Variants in RPS6KC1 observed in about 807,000 individuals in gnomAD.
RPS6KC1 encodes ribosomal protein S6 kinase C1.
Under a neutral mutation model 103.8 loss-of-function variants are expected in RPS6KC1, and 54 were observed. The observed-to-expected ratio is 0.52, with a 90% CI of 0.42 to 0.65. The LOEUF is 0.65. RPS6KC1 is among the 30% of genes least tolerant of loss of function. The pLI is 0.00. For synonymous variants in RPS6KC1, 439 were observed against 438.7 expected (o/e 1.00, Z -0.01); for missense variants, 1,151 against 1,253.8 (o/e 0.92, Z 1.24).
In RPS6KC1 at chr1:213,231,171, T is replaced by G. The variant is rs1004696126; in HGVS notation, c.1092+627T>G. Among the ~76,000 whole-genome samples, 10 of 152,212 alleles carry G rather than the reference T, an allele frequency of 6.6e-5. No individual in the cohort carries two copies. In the East Asian group the frequency reaches 1.9e-3, roughly 29 times the overall value. On this transcript the variant is annotated intron_variant, in intron 9 of 14. Coordinates refer to ENST00000366960, the MANE Select transcript of RPS6KC1 (RefSeq NM_012424.6). ...ATGTGTAGTGTGTTGTTTAAATACA[T>G]CTCAAGAACATTTTGTTTAATTGTG... is the stretch of plus-strand genomic sequence containing the variant.
At chr1:213,670,595 A>G in the RPS6KC1 span, among the ~76,000 whole-genome samples, 2 of 152,018 alleles carry the variant, frequency 1.3e-5, no homozygotes, top group African/African-American at 4.8e-5. Flanking sequence ...TAAGCATAAC[A>G]ATAGAGAGTG....
rs371359392 is a variant in RPS6KC1, at chr1:213,113,828, G to A, written c.379-3489G>A. Reference sequence around the variant, plus strand: ...TTATTAAATAGGGAATCCTTTCCCCGTTGCTTGTTTTTCTCAGGTTTGTCA... The same window carrying A: ...TTATTAAATAGGGAATCCTTTCCCCATTGCTTGTTTTTCTCAGGTTTGTCA... On this transcript the variant is annotated intron_variant, in intron 4 of 14. Coordinates refer to ENST00000366960, the MANE Select transcript of RPS6KC1 (RefSeq NM_012424.6). Among the ~76,000 whole-genome samples the A allele has an allele frequency of 2.7e-3, 412 of 151,844 alleles. 1 individual carries two copies. The highest frequency in any genetic ancestry group is 8.8e-3 in the African/African-American group (365 of 41,346).
intron 6 of RPS6KC1, among the ~76,000 whole-genome samples, chr1:213,141,508 T>G (rs1043326263): frequency 6.6e-6 from 1 of 152,020 alleles, no homozygotes; most frequent in African/African-American, 2.4e-5. Flanking sequence ...ATTGTGTTTA[T>G]TTGGATATTT....
the RPS6KC1 span, among the ~76,000 whole-genome samples, chr1:213,816,196 T>G: frequency 1.5e-4 from 23 of 152,020 alleles, no homozygotes; most frequent in Non-Finnish European, 2.9e-4. Flanking sequence ...AATAATAAGG[T>G]GTGAAATATT....
At chr1:213,119,476 A>AAGAG in intron 5 of RPS6KC1, among the ~76,000 whole-genome samples, 1 of 66,664 alleles carries the variant, frequency 1.5e-5, no homozygotes, top group Non-Finnish European at 2.7e-5. Context: ...ATATATATAT[A>AAGAG]TATATATATA....
the RPS6KC1 span, among the ~76,000 whole-genome samples, chr1:213,634,781 A>C: frequency 6.6e-6 from 1 of 151,078 alleles, no homozygotes; most frequent in Non-Finnish European, 1.5e-5. Flanking sequence ...GGGGAAATAA[A>C]AAATCCATAA....
At chr1:213,055,490 T>C (rs2077262506) in intron 1 of RPS6KC1, among the ~76,000 whole-genome samples, 1 of 152,370 alleles carries the variant, frequency 6.6e-6, no homozygotes, top group Non-Finnish European at 1.5e-5. Context: ...TTGGGTTGTT[T>C]CCAGTTTTTG....
At chr1:213,402,344 T>C in the RPS6KC1 span, among the ~76,000 whole-genome samples, 1 of 152,120 alleles carries the variant, frequency 6.6e-6, no homozygotes, top group Non-Finnish European at 1.5e-5. Flanking sequence ...TTTGGCCACT[T>C]AGTGGCCGTG....
At chr1:213,700,123 C>A in the RPS6KC1 span, among the ~76,000 whole-genome samples, 3 of 151,600 alleles carry the variant, frequency 2.0e-5, no homozygotes, top group Non-Finnish European at 4.4e-5. Context: ...AAATTTTTGC[C>A]CAGATCCATA....
the RPS6KC1 span, among the ~76,000 whole-genome samples, chr1:213,353,899 G>A: frequency 0.5 from 75,835 of 152,072 alleles, 22,647 homozygotes; most frequent in Non-Finnish European, 0.66. Context: ...GAAAAATGAT[G>A]TGGAAAAGCC....
chr1:213,509,700 C>T, the RPS6KC1 span, among the ~76,000 whole-genome samples: 30 of 152,294 alleles, frequency 2.0e-4, no homozygotes, highest in Non-Finnish European at 3.8e-4. Flanking sequence ...TCTTAGGTAT[C>T]AAAGGGTAAG....
At chr1:213,583,497 T>C in the RPS6KC1 span, among the ~76,000 whole-genome samples, 1 of 152,028 alleles carries the variant, frequency 6.6e-6, no homozygotes, top group Non-Finnish European at 1.5e-5. Context: ...TCTGAGTGTA[T>C]GTAAGAATAA....
At chr1:213,473,767 A>C in the RPS6KC1 span, among the ~76,000 whole-genome samples, 3 of 152,182 alleles carry the variant, frequency 2.0e-5, no homozygotes, top group Non-Finnish European at 4.4e-5. Context: ...TAACCATTTT[A>C]GATTATGGTC....
intron 12 of RPS6KC1, among the ~76,000 whole-genome samples, chr1:213,249,143 A>G (rs2094501647): frequency 6.6e-6 from 1 of 152,110 alleles, no homozygotes; most frequent in East Asian, 1.9e-4. Flanking sequence ...TATTTTTCGT[A>G]TCTCAGTTGA....
intron 3 of RPS6KC1, among the ~76,000 whole-genome samples, chr1:213,088,370 T>C (rs2080625000): frequency 6.8e-6 from 1 of 147,650 alleles, no homozygotes; most frequent in African/African-American, 2.5e-5. Flanking sequence ...TGGCTAATAA[T>C]TTTTTTTTTT....
chr1:213,396,446 T>C, the RPS6KC1 span, among the ~76,000 whole-genome samples: 1 of 152,140 alleles, frequency 6.6e-6, no homozygotes, highest in Non-Finnish European at 1.5e-5. Context: ...GCACAGGGTG[T>C]GGCACATTTT....
intron 3 of RPS6KC1, among the ~76,000 whole-genome samples, chr1:213,095,649 A>G (rs1027343371): frequency 6.6e-5 from 10 of 152,230 alleles, no homozygotes; most frequent in Non-Finnish European, 1.2e-4. Flanking sequence ...GAGATATTGC[A>G]GATTTGGTTT....
At chr1:213,804,908 G>A in the RPS6KC1 span, among the ~76,000 whole-genome samples, 1 of 152,202 alleles carries the variant, frequency 6.6e-6, no homozygotes, top group Non-Finnish European at 1.5e-5. Context: ...CTTGGAGATA[G>A]TTCAGGTTCT....
At chr1:213,763,650 C>A in the RPS6KC1 span, among the ~76,000 whole-genome samples, 12 of 152,028 alleles carry the variant, frequency 7.9e-5, no homozygotes, top group Non-Finnish European at 1.3e-4. Context: ...AATTAAACAC[C>A]ACAAAAAACT....
Sources: allele counts gnomAD v4.1 joint callset (sites outside exome capture counted in the v4.1 genomes callset), GRCh38; gene constraint gnomAD v4.1.1; transcripts MANE v1.5; gene names NCBI Gene and HGNC (gene_info 2026-07-23, HGNC 2026-07-21).